Variants in PTPRD observed in about 807,000 individuals in gnomAD.
The protein encoded by PTPRD is protein tyrosine phosphatase receptor type D, also known as receptor-type tyrosine-protein phosphatase delta.
In PTPRD, 34 loss-of-function variants were observed where a neutral mutation model predicts 214.5. The ratio of observed to expected loss-of-function variants is 0.16; its 90% confidence interval spans 0.12 to 0.21. The LOEUF (loss-of-function observed/expected upper bound fraction) is 0.21, where lower values mean the gene tolerates loss of function less well. Among genes scored for constraint, PTPRD ranks in the 10% least tolerant of loss-of-function variants. The probability of loss-of-function intolerance (pLI) is 1.00; values close to 1 mark genes in which losing one functional copy is unlikely to be tolerated. For missense variants in PTPRD, 2,545 were observed against 2,398.7 expected (o/e 1.06, Z -1.27); for synonymous variants, 1,128 against 845.7 (o/e 1.33, Z -5.79).
chr9:10,148,654 G>A (rs1564133647), intron 3 of PTPRD, among the ~76,000 whole-genome samples: 1 of 152,092 alleles, frequency 6.6e-6, no homozygotes, highest in Non-Finnish European at 1.5e-5. Flanking sequence ...ATATTATGTT[G>A]CAAAACATAC....
chr9:10,082,690 A>G (rs2098260222), intron 3 of PTPRD, among the ~76,000 whole-genome samples: 1 of 151,912 alleles, frequency 6.6e-6, no homozygotes, highest in Non-Finnish European at 1.5e-5. Flanking sequence ...ACATGAACTT[A>G]AGAACAGCTG....
intron 8 of PTPRD, among the ~76,000 whole-genome samples, chr9:9,530,271 A>G (rs1010259136): frequency 6.6e-6 from 1 of 152,148 alleles, no homozygotes; most frequent in Admixed American, 6.6e-5. Flanking sequence ...AAGAGTGAAG[A>G]CCCAAATAAA....
At chr9:9,898,668 G>A (rs2075658408) in intron 5 of PTPRD, among the ~76,000 whole-genome samples, 1 of 152,054 alleles carries the variant, frequency 6.6e-6, no homozygotes, top group Non-Finnish European at 1.5e-5. Flanking sequence ...TGCTTTATAT[G>A]AACTTCAGGA....
At chr9:8,843,566 A>G (rs1460583429) in intron 11 of PTPRD, among the ~76,000 whole-genome samples, 2 of 152,162 alleles carry the variant, frequency 1.3e-5, no homozygotes. Context: ...AACCACTTCA[A>G]ATGTAGCTAG....
At chr9:10,571,816 A>C (rs2067539859) in intron 2 of PTPRD, among the ~76,000 whole-genome samples, 1 of 152,060 alleles carries the variant, frequency 6.6e-6, no homozygotes, top group Non-Finnish European at 1.5e-5. Context: ...TCACATGAGC[A>C]GTTCACAATA....
At chr9:10,161,875 G>T (rs1368519729) in intron 3 of PTPRD, among the ~76,000 whole-genome samples, 1 of 151,374 alleles carries the variant, frequency 6.6e-6, no homozygotes, top group African/African-American at 2.4e-5. Context: ...TTGCAAAATG[G>T]GCAAAAGATC....
At chr9:9,965,107 C>T (rs1056309014) in intron 4 of PTPRD, among the ~76,000 whole-genome samples, 2 of 152,124 alleles carry the variant, frequency 1.3e-5, no homozygotes, top group African/African-American at 2.4e-5. Flanking sequence ...CAACGACACA[C>T]AGAGTCCAAA....
At chr9:10,370,851 T>A (rs1176552289) in intron 2 of PTPRD, among the ~76,000 whole-genome samples, 2 of 151,998 alleles carry the variant, frequency 1.3e-5, no homozygotes, top group African/African-American at 4.8e-5. Flanking sequence ...GATGCAGACA[T>A]ATAATGAGTT....
chr9:10,130,141 A>G (rs2098848506), intron 3 of PTPRD, among the ~76,000 whole-genome samples: 1 of 150,406 alleles, frequency 6.6e-6, no homozygotes. Context: ...TTAGACTAGC[A>G]CTAACAGTTT....
At chr9:9,606,776 A>G (rs2094182161) in intron 7 of PTPRD, among the ~76,000 whole-genome samples, 1 of 151,204 alleles carries the variant, frequency 6.6e-6, no homozygotes, top group South Asian at 2.1e-4. Context: ...GGGTAGATAG[A>G]GGTGGACAAA....
intron 2 of PTPRD, among the ~76,000 whole-genome samples, chr9:10,579,149 G>A (rs1242059793): frequency 6.6e-6 from 1 of 152,068 alleles, no homozygotes. Flanking sequence ...CATAAAAAAA[G>A]AATGAGATCA....
At chr9:9,292,633 A>G (rs1317734617) in intron 9 of PTPRD, among the ~76,000 whole-genome samples, 1 of 151,416 alleles carries the variant, frequency 6.6e-6, no homozygotes, top group Non-Finnish European at 1.5e-5. Context: ...TCCATACTTT[A>G]TTCAGATTGC....
intron 11 of PTPRD, among the ~76,000 whole-genome samples, chr9:8,771,006 C>T (rs1419514869): frequency 1.3e-5 from 2 of 151,742 alleles, no homozygotes; most frequent in African/African-American, 2.4e-5. Context: ...GGTGAAACCC[C>T]GTCTCTACTA....
intron 14 of PTPRD, among the ~76,000 whole-genome samples, chr9:8,608,120 C>A (rs1428948279): frequency 2.2e-5 from 3 of 135,230 alleles, no homozygotes; most frequent in African/African-American, 1.0e-4. Flanking sequence ...TATTTCTAAA[C>A]CTTTTTTTTT....
At chr9:8,884,396 A>G (rs561205069) in intron 11 of PTPRD, among the ~76,000 whole-genome samples, 2 of 152,364 alleles carry the variant, frequency 1.3e-5, no homozygotes, top group South Asian at 4.1e-4. Flanking sequence ...GTTGAAGTGG[A>G]AGGCACAGGA....
intron 3 of PTPRD, among the ~76,000 whole-genome samples, chr9:10,141,568 A>G (rs1682035838): frequency 6.6e-6 from 1 of 152,116 alleles, no homozygotes; most frequent in Non-Finnish European, 1.5e-5. Context: ...CTCTCCAAGG[A>G]GAACTACAAA....
chr9:9,247,346 C>G (rs1375138324), intron 9 of PTPRD, among the ~76,000 whole-genome samples: 1 of 151,668 alleles, frequency 6.6e-6, no homozygotes, highest in African/African-American at 2.4e-5. Context: ...TGGCTGTCCA[C>G]TCTTCATGGA....
chr9:8,448,634 G>C (rs184693890), intron 34 of PTPRD, among the ~76,000 whole-genome samples: 1 of 151,818 alleles, frequency 6.6e-6, no homozygotes, highest in Admixed American at 6.6e-5. Flanking sequence ...TTTAAATACC[G>C]ACATTATGAT....
At chr9:8,741,910 A>C (rs1269512309) in intron 11 of PTPRD, among the ~76,000 whole-genome samples, 1 of 151,802 alleles carries the variant, frequency 6.6e-6, no homozygotes, top group Non-Finnish European at 1.5e-5. Context: ...TTTTTATGTT[A>C]AATAATTTAT....
Sources: allele counts gnomAD v4.1 joint callset (sites outside exome capture counted in the v4.1 genomes callset), GRCh38; gene constraint gnomAD v4.1.1; transcripts MANE v1.5; gene names NCBI Gene and HGNC (gene_info 2026-07-23, HGNC 2026-07-21).